The following NXPH1 variants were observed in gnomAD, a reference collection of about 807,000 sequenced individuals.
NXPH1 encodes the protein neurexophilin 1.
A neutral mutation model predicts 23.7 loss-of-function variants in NXPH1; 5 were observed. That is an observed-to-expected ratio of 0.21 (90% confidence interval 0.11 to 0.44). The LOEUF is 0.44. Among genes scored for constraint, NXPH1 ranks in the 20% least tolerant of loss-of-function variants. NXPH1 has a pLI of 0.99. For synonymous variants in NXPH1, 144 were observed against 122.2 expected (o/e 1.18, Z -1.18); for missense variants, 324 against 321.6 (o/e 1.01, Z -0.06).
chr7:8,479,095 C>A (rs577927457), intron 2 of NXPH1, among the ~76,000 whole-genome samples: 1 of 152,102 alleles, frequency 6.6e-6, no homozygotes, highest in South Asian at 2.1e-4. Flanking sequence ...TATTGTTTAA[C>A]TGGTTAATAA....
At chr7:8,633,564 G>A (rs1333950859) in intron 2 of NXPH1, among the ~76,000 whole-genome samples, 3 of 152,208 alleles carry the variant, frequency 2.0e-5, no homozygotes, top group South Asian at 2.1e-4. Flanking sequence ...GCCTCAGTAA[G>A]CTCTAATGAT....
At chr7:8,707,219 G>A (rs1374656830) in intron 2 of NXPH1, among the ~76,000 whole-genome samples, 2 of 151,984 alleles carry the variant, frequency 1.3e-5, no homozygotes, top group Non-Finnish European at 2.9e-5. Flanking sequence ...AATTTATTTG[G>A]CATTTGTAAA....
chr7:8,491,788 A>G (rs1000143837), intron 2 of NXPH1, among the ~76,000 whole-genome samples: 3 of 152,096 alleles, frequency 2.0e-5, no homozygotes, highest in Non-Finnish European at 2.9e-5. Flanking sequence ...TTCATTTTCC[A>G]AGAAACATGA....
At chr7:8,696,635 C>A (rs535761169) in intron 2 of NXPH1, among the ~76,000 whole-genome samples, 2 of 152,130 alleles carry the variant, frequency 1.3e-5, no homozygotes, top group Non-Finnish European at 2.9e-5. Flanking sequence ...GAGCAAAAGT[C>A]TTAGGGCTGA....
intron 2 of NXPH1, among the ~76,000 whole-genome samples, chr7:8,528,220 TTG>T (rs1178358368): frequency 6.6e-6 from 1 of 152,174 alleles, no homozygotes; most frequent in Non-Finnish European, 1.5e-5. Flanking sequence ...AGGGCAAGCT[TTG>T]GGGCCTGTGG....
chr7:8,645,687 T>G (rs187161440), intron 2 of NXPH1, among the ~76,000 whole-genome samples: 50 of 152,178 alleles, frequency 3.3e-4, no homozygotes, highest in African/African-American at 1.1e-3. Flanking sequence ...ATCTTGGTCT[T>G]AAAGTTATTG....
chr7:8,626,042 C>T (rs1819980244), intron 2 of NXPH1, among the ~76,000 whole-genome samples: 1 of 152,034 alleles, frequency 6.6e-6, no homozygotes, highest in Non-Finnish European at 1.5e-5. Flanking sequence ...TGGTTGAGGA[C>T]TATAGGAAAT....
At chr7:8,733,069 C>T (rs924294946) in intron 2 of NXPH1, among the ~76,000 whole-genome samples, 1 of 151,906 alleles carries the variant, frequency 6.6e-6, no homozygotes, top group Non-Finnish European at 1.5e-5. Flanking sequence ...TAATGTTTCC[C>T]TCCCTGTGTC....
intron 2 of NXPH1, among the ~76,000 whole-genome samples, chr7:8,459,544 A>G (rs181902669): frequency 1.4e-3 from 212 of 152,272 alleles, no homozygotes; most frequent in African/African-American, 4.9e-3. Flanking sequence ...GTGTAATTGT[A>G]CTCTGCCCTG....
At chr7:8,493,577 A>G (rs1000650591) in intron 2 of NXPH1, among the ~76,000 whole-genome samples, 2 of 152,124 alleles carry the variant, frequency 1.3e-5, no homozygotes, top group African/African-American at 4.8e-5. Flanking sequence ...CTTCATTGTT[A>G]TATGACTACA....
chr7:8,657,965 T>C (rs1820607899), intron 2 of NXPH1, among the ~76,000 whole-genome samples: 1 of 152,172 alleles, frequency 6.6e-6, no homozygotes. Context: ...GAGGCGGAAG[T>C]TGCAGTGAGC....
At chr7:8,695,670 A>T (rs1175098127) in intron 2 of NXPH1, among the ~76,000 whole-genome samples, 3 of 152,202 alleles carry the variant, frequency 2.0e-5, no homozygotes, top group Admixed American at 6.5e-5. Flanking sequence ...AACTTCTAAT[A>T]TACTAAGTAT....
Position 8,746,852 on chromosome 7 carries a change from C to T in NXPH1, c.55-4156C>T, listed in dbSNP as rs533082167. On this transcript the variant is annotated intron_variant, in intron 2 of 2. Transcript: ENST00000405863. ...CCCCATTTTCTTCTCCCCCGCTTTC[C>T]CCCACAGCATGCTTTTTTTTTTAAT... Among the ~76,000 whole-genome samples, 148 of 140,214 alleles carry T rather than the reference C, an allele frequency of 1.1e-3. 1 individual carries two copies. The highest frequency in any genetic ancestry group is 3.6e-3 in the African/African-American group (135 of 38,022). The allele number at this position is 140,214 out of a possible 152,430, so 92.0% of individuals were successfully genotyped here. A position where few individuals can be genotyped will look rare whatever the true frequency, so the allele number is the denominator to read the frequency against.
chr7:8,694,246 G>A (rs1821268451), intron 2 of NXPH1, among the ~76,000 whole-genome samples: 1 of 152,174 alleles, frequency 6.6e-6, no homozygotes, highest in African/African-American at 2.4e-5. Flanking sequence ...AAGTGCAGGT[G>A]CGTGGTGGTC....
chr7:8,644,090 T>A (rs1433614790), intron 2 of NXPH1, among the ~76,000 whole-genome samples: 1 of 152,224 alleles, frequency 6.6e-6, no homozygotes, highest in African/African-American at 2.4e-5. Flanking sequence ...TACATAGTTA[T>A]CTCCCTGTCT....
chr7:8,583,208 T>C (rs537795642), intron 2 of NXPH1, among the ~76,000 whole-genome samples: 168 of 152,352 alleles, frequency 1.1e-3, no homozygotes, highest in Non-Finnish European at 2.1e-3. Flanking sequence ...AATCTGTATA[T>C]CTATTATGAC....
At chr7:8,746,612 T>C (rs771667973) in intron 2 of NXPH1, among the ~76,000 whole-genome samples, 25 of 152,350 alleles carry the variant, frequency 1.6e-4, no homozygotes, top group South Asian at 4.1e-4. Context: ...TTTCAATTCA[T>C]GTTACATTGT....
At chr7:8,596,001 A>G (rs1819214233) in intron 2 of NXPH1, among the ~76,000 whole-genome samples, 1 of 152,000 alleles carries the variant, frequency 6.6e-6, no homozygotes, top group African/African-American at 2.4e-5. Flanking sequence ...GGATCCCTTT[A>G]AAAAATTTAG....
chr7:8,734,898 T>C (rs1232401725), intron 2 of NXPH1, among the ~76,000 whole-genome samples: 1 of 152,224 alleles, frequency 6.6e-6, no homozygotes, highest in African/African-American at 2.4e-5. Context: ...TTTTATTCTC[T>C]TTATAGCAAT....
Sources: allele counts gnomAD v4.1 joint callset (sites outside exome capture counted in the v4.1 genomes callset), GRCh38; gene constraint gnomAD v4.1.1; transcripts MANE v1.5; gene names NCBI Gene and HGNC (gene_info 2026-07-23, HGNC 2026-07-21).